The following CGB2 variants were observed in gnomAD, a reference collection of about 807,000 sequenced individuals.
CGB2 encodes choriogonadotropin subunit beta variant 2.
A neutral mutation model predicts 7.1 loss-of-function variants in CGB2; 4 were observed. The observed-to-expected ratio is 0.57, with a 90% CI of 0.28 to 1.29. CGB2 has a LOEUF of 1.29. Ranked by LOEUF, CGB2 falls within the 50% of genes most tolerant of loss-of-function variation. CGB2 has a pLI of 0.10. For synonymous variants in CGB2, 51 were observed against 100.3 expected (o/e 0.51, Z 2.94); for missense variants, 88 against 224.0 (o/e 0.39, Z 3.88).
chr19:49,032,723 A>C, intron 2 of CGB2, 52 bp downstream of exon 2: 1 of 821,404 alleles, frequency 1.2e-6, no homozygotes, highest in Non-Finnish European at 1.8e-6. Context: ...CCAGACCCAC[A>C]GAGGCAGCGG....
Position 49,032,071 on chromosome 19 carries a change from G to T in CGB2, c.-25G>T. On this transcript the variant is annotated 5_prime_UTR_variant, in exon 1 of 3. An upstream open reading frame in the 5' UTR gains an earlier in-frame stop. Transcript: ENST00000359342. ...CATGTCCACATCCCCAGTGCTTGCG[G>T]AAGATATCCCGCTAAGAGAGAGACA... The T allele has an allele frequency of 6.2e-7, 1 of 1,613,886 alleles. No individual in the cohort carries two copies.
In CGB2 at chr19:49,032,422, G is replaced by A. The variant is rs1158217907; in HGVS notation, c.10-82G>A. Reference sequence around the variant, plus strand: ...CCACGAAGGGTCTCTGGGTCTTTGTGGGTGGTGTACCACGCGGGATGGGAA... The same window carrying A: ...CCACGAAGGGTCTCTGGGTCTTTGTAGGTGGTGTACCACGCGGGATGGGAA... On this transcript the variant is annotated intron_variant, in intron 1 of 2. Transcript: ENST00000359342. The A allele has an allele frequency of 3.1e-6, 5 of 1,595,942 alleles. 1 individual carries two copies. In the African/African-American group the frequency reaches 4.0e-5, roughly 13 times the overall value.
chr19:49,032,219 G>T, intron 1 of CGB2, 115 bp downstream of exon 1: 2 of 1,613,628 alleles, frequency 1.2e-6, no homozygotes, highest in Non-Finnish European at 1.7e-6. Context: ...AGAAGGGGCA[G>T]ACCAGTGTGA....
intron 1 of CGB2, 27 bp from the exon 2 acceptor site, chr19:49,032,477 C>A (rs1446851319): frequency 1.3e-6 from 2 of 1,556,152 alleles, no homozygotes; most frequent in African/African-American, 2.7e-5. Context: ...GGTCTCAGAC[C>A]CGGGTGAAGC....
intron 1 of CGB2, 200 bp downstream of exon 1, chr19:49,032,304 G>A: frequency 1.9e-6 from 3 of 1,579,720 alleles, no homozygotes; most frequent in Non-Finnish European, 2.6e-6. Flanking sequence ...CTGAGGGTGG[G>A]GATCTAAAAT....
Position 49,032,221 on chromosome 19 carries a change from C to T in CGB2, c.9+117C>T, listed in dbSNP as rs2039744840. 3.7e-6 allele frequency: 6 copies of T among 1,613,306 alleles called. No homozygotes were observed. The Admixed American group carries it at 8.3e-5, about 22-fold the overall frequency. On this transcript the variant is annotated intron_variant, in intron 1 of 2. Coordinates refer to ENST00000359342, the MANE Select transcript of CGB2 (RefSeq NM_033378.2). ...CATCACTGGCATGAGAAGGGGCAGA[C>T]CAGTGTGAGCTGTGGAAGGAGGCCT...
chr19:49,033,045 T>G lies in CGB2; in HGVS notation c.316T>G (p.Cys106Gly), dbSNP rs1232352006. The change falls in exon 3 of 3, where the codon TGT becomes GGT. Residue 106 changes from cysteine to glycine, a missense_variant. Transcript: ENST00000359342. ...GGTCTCCTACGCCGTGGCTCTCAGCTGTCAATGTGCACTCTGCCGCCGCAG... is the reference window on the plus strand; with the variant it reads ...GGTCTCCTACGCCGTGGCTCTCAGCGGTCAATGTGCACTCTGCCGCCGCAG... ...PVVSYAVALS[C>G]QCALCRRSTT... is the part of the protein sequence containing the mutation. The G allele has an allele frequency of 6.3e-7, 1 of 1,584,818 alleles. No homozygotes were observed. Among genetic ancestry groups the G allele is most frequent in the East Asian group, 2.3e-5 (1 of 44,370 alleles).
chr19:49,031,896 C>T lies in CGB2; in HGVS notation c.-200C>T, dbSNP rs1413032839. ...GTCCCCAGGGCCAGTGAGGGCCCTG[C>T]GTTCCGTGGCGCCCCCTGGAGGGAG... is the stretch of plus-strand genomic sequence containing the variant. On this transcript the variant is annotated 5_prime_UTR_variant, in exon 1 of 3. Transcript: ENST00000359342. 3.0e-6 allele frequency: 2 copies of T among 660,846 alleles called. No individual in the cohort carries two copies. Among genetic ancestry groups the T allele is most frequent in the Admixed American group, 2.4e-5 (1 of 41,438 alleles). The allele number at this position is 660,846 out of a possible 1,614,324, so 40.9% of individuals were successfully genotyped here.
chr19:49,031,909 C>A lies in CGB2; in HGVS notation c.-187C>A, dbSNP rs1342397130. ...GTGAGGGCCCTGCGTTCCGTGGCGC[C>A]CCCTGGAGGGAGGAAGGGGAACTGT... On this transcript the variant is annotated 5_prime_UTR_variant, in exon 1 of 3. Transcript: ENST00000359342. 3 of 742,120 alleles carry A rather than the reference C, an allele frequency of 4.0e-6. No homozygotes were observed. Among genetic ancestry groups the A allele is most frequent in the Admixed American group, 2.2e-5 (1 of 44,824 alleles). 46.0% of individuals were successfully genotyped at this position (742,120 alleles called of 1,614,324 possible).
chr19:49,032,585 A>C lies in CGB2; in HGVS notation c.91A>C (p.Asn31His). Residue 31 changes from asparagine (N) to histidine (H), a missense_variant, in exon 2 of 3, where the codon AAT becomes CAT. Around this residue, in one of 2 missense-constraint regions of CGB2, gnomAD observed 59 missense variants for 193.3 expected, o/e 0.31. Transcript: ENST00000359342. ...GCTTCGGCCACGGTGCCGCCCCATCAATGCCACCCTGGCTGTGGAGAAGGA... is the reference window on the plus strand; with the variant it reads ...GCTTCGGCCACGGTGCCGCCCCATCCATGCCACCCTGGCTGTGGAGAAGGA... ...EPLRPRCRPI[N>H]ATLAVEKEGC... is the part of the protein sequence containing the mutation. The C allele has an allele frequency of 6.6e-7, 1 of 1,513,570 alleles. No individual in the cohort carries two copies. The highest frequency in any genetic ancestry group is 2.4e-5 in the East Asian group (1 of 42,028). The allele number at this position is 1,513,570 out of a possible 1,614,324, so 93.8% of individuals were successfully genotyped here.
In CGB2 at chr19:49,033,136, C is replaced by T. The variant is rs748530277; in HGVS notation, c.407C>T (p.Ser136Phe). ...LTCDDPRFQASSSSKAPPPSL... is the reference protein window; with the variant it reads ...LTCDDPRFQAFSSSKAPPPSL... ...TGTGATGACCCCCGCTTCCAGGCCT[C>T]CTCTTCCTCAAAGGCCCCTCCCCCC... The change falls in exon 3 of 3, where the codon TCC (serine) becomes TTC (phenylalanine). Residue 136 changes from serine (S) to phenylalanine (F), a missense_variant. This residue lies in a region of CGB2 where 59 missense variants were observed against 193.3 expected (regional missense o/e 0.31). Coordinates refer to ENST00000359342, the MANE Select transcript of CGB2 (RefSeq NM_033378.2). The T allele has an allele frequency of 1.2e-6, 2 of 1,608,356 alleles. No homozygotes were observed. Among genetic ancestry groups the T allele is most frequent in the Admixed American group, 3.4e-5 (2 of 59,654 alleles).
In CGB2 at chr19:49,032,087, G is replaced by C. The variant is rs201932007; in HGVS notation, c.-9G>C. The C allele has an allele frequency of 6.2e-7, 1 of 1,613,372 alleles. No individual in the cohort carries two copies. The highest frequency in any genetic ancestry group is 1.7e-5 in the Admixed American group (1 of 60,022). ...GTGCTTGCGGAAGATATCCCGCTAA[G>C]AGAGAGACATGTCAAAGGTAGGGTA... On this transcript the variant is annotated 5_prime_UTR_variant, in exon 1 of 3. Transcript: ENST00000359342.
chr19:49,031,928 G>C lies in CGB2; in HGVS notation c.-168G>C. 1 of 860,138 alleles carries C rather than the reference G, an allele frequency of 1.2e-6. No individual in the cohort carries two copies. Among genetic ancestry groups the C allele is most frequent in the Non-Finnish European group, 1.9e-6 (1 of 531,646 alleles). The allele number at this position is 860,138 out of a possible 1,614,324, so 53.3% of individuals were successfully genotyped here. On this transcript the variant is annotated 5_prime_UTR_variant, in exon 1 of 3. Coordinates refer to ENST00000359342, the MANE Select transcript of CGB2 (RefSeq NM_033378.2). ...TGGCGCCCCCTGGAGGGAGGAAGGGGAACTGTATCTGAGAGAGAGCAGCCA... is the reference window on the plus strand; with the variant it reads ...TGGCGCCCCCTGGAGGGAGGAAGGGCAACTGTATCTGAGAGAGAGCAGCCA...
At chr19:49,032,386 A>T in intron 1 of CGB2, 118 bp from the exon 2 acceptor site, 1 of 1,599,754 alleles carries the variant, frequency 6.3e-7, no homozygotes, top group Non-Finnish European at 8.5e-7. Context: ...GTGGGTCCTG[A>T]ATAGGAGATG....
intron 1 of CGB2, 67 bp from the exon 2 acceptor site, chr19:49,032,437 C>A: frequency 6.3e-7 from 1 of 1,591,164 alleles, no homozygotes; most frequent in Non-Finnish European, 8.5e-7. Flanking sequence ...GTGTACCACG[C>A]GGGATGGGAA....
At position 49,032,006 on chromosome 19, in the gene CGB2, C is replaced by T. The variant is rs1209126999; in HGVS notation, c.-90C>T. On this transcript the variant is annotated 5_prime_UTR_variant, in exon 1 of 3. Transcript: ENST00000359342. The stretch of plus-strand genomic sequence containing the variant: ...CCCGTGCCGCGTCCAACACCCCTCA[C>T]TCCCTGTCTCACTCCCCCACGGAGA... 1.1e-4 allele frequency: 171 copies of T among 1,585,942 alleles called. No individual in the cohort carries two copies. Among genetic ancestry groups the T allele is most frequent in the Non-Finnish European group, 1.4e-4 (164 of 1,155,010 alleles).
Position 49,032,342 on chromosome 19 carries a change from G to A in CGB2, c.10-162G>A, listed in dbSNP as rs939801302. On this transcript the variant is annotated intron_variant, in intron 1 of 2. Coordinates refer to ENST00000359342, the MANE Select transcript of CGB2 (RefSeq NM_033378.2). ...TGGGGTATCTGAGATCCTCTGGGCT[G>A]TGGGGTGGGCTCTGAAAGGCAGGTG... 5 of 1,580,832 alleles carry A rather than the reference G, an allele frequency of 3.2e-6. No individual in the cohort carries two copies. In the African/African-American group the frequency reaches 5.4e-5, roughly 17 times the overall value.
Position 49,032,242 on chromosome 19 carries a change from G to C in CGB2, c.9+138G>C, listed in dbSNP as rs541845960. The C allele has an allele frequency of 3.7e-5, 60 of 1,610,680 alleles. No individual in the cohort carries two copies. The African/African-American group carries it at 5.5e-4, about 15-fold the overall frequency. ...CAGACCAGTGTGAGCTGTGGAAGGA[G>C]GCCTCTTTCTGGAGGAGCGTGACCC... On this transcript the variant is annotated intron_variant, in intron 1 of 2. Coordinates refer to ENST00000359342, the MANE Select transcript of CGB2 (RefSeq NM_033378.2).
In CGB2 at chr19:49,032,110, G is replaced by T. The variant is rs765677461; in HGVS notation, c.9+6G>T. The T allele has an allele frequency of 6.2e-7, 1 of 1,613,988 alleles. No homozygotes were observed. Among genetic ancestry groups the T allele is most frequent in the South Asian group, 1.1e-5 (1 of 91,078 alleles). The stretch of plus-strand genomic sequence containing the variant: ...AAGAGAGAGACATGTCAAAGGTAGG[G>T]TAGATCGACATTTCCAGGCACCAAA... On this transcript the variant is annotated splice_donor_region_variant and intron_variant, in intron 1 of 2. Transcript: ENST00000359342.
Sources: gnomAD v4.1 joint callset for allele counts on GRCh38, gnomAD v4.1.1 for gene constraint, gnomAD v4.1.1 regional missense constraint, MANE v1.5 for transcripts, NCBI Gene and HGNC (gene_info 2026-07-23, HGNC 2026-07-21) for gene names.